Variants in HLA-DQA1 observed in about 807,000 individuals in gnomAD.
HLA-DQA1 encodes HLA class II histocompatibility antigen, DQ alpha 1 chain.
A neutral mutation model predicts 20.7 loss-of-function variants in HLA-DQA1; 10 were observed. The observed-to-expected ratio is 0.48, with a 90% CI of 0.30 to 0.82. The LOEUF (loss-of-function observed/expected upper bound fraction) is 0.82. Ranked by LOEUF, HLA-DQA1 falls within the 40% of genes least tolerant of loss-of-function variation. HLA-DQA1 has a pLI of 0.07. For synonymous variants in HLA-DQA1, 39 were observed against 109.2 expected (o/e 0.36, Z 4.01); for missense variants, 127 against 293.0 (o/e 0.43, Z 4.14).
intron 1 of HLA-DQA1, among the ~76,000 whole-genome samples, chr6:32,640,104 A>G (rs533655595): frequency 1.0e-5 from 1 of 99,568 alleles, no homozygotes; most frequent in South Asian, 3.1e-4. Context: ...GAAAAACAAC[A>G]GACCACTGCA....
chr6:32,640,833 T>C (rs9272655), intron 1 of HLA-DQA1, among the ~76,000 whole-genome samples: 1,249 of 77,926 alleles, frequency 0.016, 13 homozygotes, highest in East Asian at 0.034. Context: ...AAAAGAAAGA[T>C]CTCTGTGTAG....
chr6:32,654,530 T>A, the HLA-DQA1 span, among the ~76,000 whole-genome samples: 1 of 98,932 alleles, frequency 1.0e-5, no homozygotes, highest in Non-Finnish European at 2.3e-5. Flanking sequence ...CTTTAAGCCA[T>A]CTCTAGATTA....
downstream of HLA-DQA1, chr6:32,644,749 C>T (rs1781766864): frequency 2.0e-5 from 2 of 98,858 alleles, no homozygotes; most frequent in South Asian, 6.0e-4. Flanking sequence ...ATGAGAGAGG[C>T]TGAGATTGGA....
At chr6:32,646,069 T>C (rs1171393458), downstream of HLA-DQA1, 1 of 147,232 alleles carries the variant, frequency 6.8e-6, no homozygotes, top group African/African-American at 2.5e-5. Context: ...ATAGCAGAAT[T>C]AAAACTAATT....
At chr6:32,637,982 T>A (rs9272476) in intron 1 of HLA-DQA1, among the ~76,000 whole-genome samples, 26,474 of 90,058 alleles carry the variant, frequency 0.29, 6,845 homozygotes, top group East Asian at 0.42. Flanking sequence ...ATATTTAAAA[T>A]GTTGCCCGTT....
chr6:32,652,529 A>G, the HLA-DQA1 span, among the ~76,000 whole-genome samples: 1 of 151,648 alleles, frequency 6.6e-6, no homozygotes, highest in South Asian at 2.1e-4. Flanking sequence ...TTGGCAAGCA[A>G]AGAATGTCTG....
At chr6:32,639,579 G>A (rs17426565) in intron 1 of HLA-DQA1, 19,683 of 95,208 alleles carry the variant, frequency 0.21, 7,249 homozygotes, top group Admixed American at 0.24. Flanking sequence ...AAGATGAAAA[G>A]TCATGCTGTC....
downstream of HLA-DQA1, among the ~76,000 whole-genome samples, chr6:32,647,933 G>C (rs17612633): frequency 0.57 from 85,392 of 150,236 alleles, 24,694 homozygotes; most frequent in Middle Eastern, 0.7. Context: ...AAATTACACT[G>C]TAGTGGGAAG....
chr6:32,638,370 G>A lies in HLA-DQA1; in HGVS notation c.82+830G>A, dbSNP rs1469435145. 4.8e-5 allele frequency among the ~76,000 whole-genome samples: 6 copies of A among 123,828 alleles called. 3 individuals carry two copies. The highest frequency in any genetic ancestry group is 1.8e-4 in the African/African-American group (6 of 33,128). The allele number at this position is 123,828 out of a possible 152,430, so 81.2% of individuals were successfully genotyped here. On this transcript the variant is annotated intron_variant, in intron 1 of 4. Coordinates refer to ENST00000343139, the MANE Select transcript of HLA-DQA1 (RefSeq NM_002122.5). ...CCTGTTCTTCACCTCATCTAATAAA[G>A]TCCTATAAAAAGAAAAGTGGGCCAG...
At chr6:32,645,460 A>G (rs9273174), downstream of HLA-DQA1, 30,149 of 134,160 alleles carry the variant, frequency 0.22, 3,985 homozygotes, top group Admixed American at 0.26. Flanking sequence ...TAGGGTTCGC[A>G]CTCCTATGAG....
At position 32,643,018 on chromosome 6, in the gene HLA-DQA1, G is replaced by A. The variant is rs1130126; in HGVS notation, c.*87G>A. ...ATGACCTAGCACTATTCTCTGGCCC[G>A]ATTTATCATATCCCTTTTCTCCTCC... On this transcript the variant is annotated 3_prime_UTR_variant, in exon 5 of 5. Transcript: ENST00000343139. 116 of 399,090 alleles carry A rather than the reference G, an allele frequency of 2.9e-4. 36 individuals carry two copies. Among genetic ancestry groups the A allele is most frequent in the Non-Finnish European group, 4.6e-4 (100 of 216,828 alleles). The allele number at this position is 399,090 out of a possible 1,614,324, so 24.7% of individuals were successfully genotyped here.
At chr6:32,654,178 C>G in the HLA-DQA1 span, among the ~76,000 whole-genome samples, 2 of 100,458 alleles carry the variant, frequency 2.0e-5, no homozygotes, top group African/African-American at 6.7e-5. Context: ...GTGGGGCATG[C>G]CAGTAGTCCC....
chr6:32,650,598 G>A (rs1782138871), downstream of HLA-DQA1, among the ~76,000 whole-genome samples: 1 of 92,828 alleles, frequency 1.1e-5, no homozygotes, highest in African/African-American at 3.8e-5. Flanking sequence ...ACTATCACAA[G>A]GACAGAAAAC....
chr6:32,640,298 A>T (rs1053683261), intron 1 of HLA-DQA1, among the ~76,000 whole-genome samples: 1 of 99,196 alleles, frequency 1.0e-5, no homozygotes, highest in Admixed American at 1.2e-4. Context: ...ACCATGCCTG[A>T]TTGGTGTTTT....
chr6:32,645,572 G>A (rs62404121), downstream of HLA-DQA1: 10,762 of 99,954 alleles, frequency 0.11, 1,136 homozygotes, highest in South Asian at 0.28. Context: ...AACTGGTACT[G>A]GTCCATGGCC....
intron 1 of HLA-DQA1, chr6:32,638,905 C>G (rs142530081): frequency 0.069 from 23,546 of 338,890 alleles, 5,597 homozygotes; most frequent in African/African-American, 0.13. Flanking sequence ...TCCCTCTTCC[C>G]TTTCAGGATC....
chr6:32,639,124 T>A, intron 1 of HLA-DQA1: 1 of 228,118 alleles, frequency 4.4e-6, no homozygotes, highest in Non-Finnish European at 8.8e-6. Context: ...GTTCCAAATT[T>A]CCTTTCTTCA....
downstream of HLA-DQA1, among the ~76,000 whole-genome samples, chr6:32,648,580 A>G (rs1477126277): frequency 2.1e-5 from 2 of 97,412 alleles, 1 homozygote; most frequent in Non-Finnish European, 4.6e-5. Flanking sequence ...AAAATTCAAC[A>G]GCCCTTCATG....
chr6:32,639,542 C>T (rs74403476), intron 1 of HLA-DQA1: 4,333 of 96,886 alleles, frequency 0.045, 1,432 homozygotes, highest in Middle Eastern at 0.11. Context: ...TGTTTGAGCA[C>T]ACAGTGAGCT....
Sources: gnomAD v4.1 joint callset for allele counts (sites outside exome capture counted in the v4.1 genomes callset) on GRCh38, gnomAD v4.1.1 for gene constraint, MANE v1.5 for transcripts, NCBI Gene and HGNC (gene_info 2026-07-23, HGNC 2026-07-21) for gene names.